Variants in RUNX1 observed in about 807,000 individuals in gnomAD.
RUNX1 encodes the protein runt-related transcription factor 1.
RUNX1 carries 19 observed loss-of-function variants against 42.8 expected under a neutral mutation model. That is an observed-to-expected ratio of 0.44 (90% CI 0.31 to 0.65). The LOEUF (loss-of-function observed/expected upper bound fraction) is 0.65. Among genes scored for constraint, RUNX1 ranks in the 30% least tolerant of loss-of-function variants. RUNX1 has a pLI of 0.07. For missense variants in RUNX1, 528 were observed against 672.0 expected (o/e 0.79, Z 2.37); for synonymous variants, 271 against 289.4 (o/e 0.94, Z 0.64).
In RUNX1 at chr21:34,791,727, GAAT is replaced by G; in HGVS notation, c.*405_*407del. The G allele has an allele frequency of 4.3e-6, 1 of 230,034 alleles. No homozygotes were observed. Among genetic ancestry groups the G allele is most frequent in the Non-Finnish European group, 8.6e-6 (1 of 115,720 alleles). The allele number at this position is 230,034 out of a possible 1,614,324, so 14.2% of individuals were successfully genotyped here. A position where few individuals can be genotyped will look rare whatever the true frequency, so the allele number is the denominator to read the frequency against. On this transcript the variant is annotated 3_prime_UTR_variant, in exon 9 of 9. Coordinates refer to ENST00000675419, the MANE Select transcript of RUNX1 (RefSeq NM_001754.5). ...CCCAACCAAAATTCCACACTCTTTGGAATAAACAACTTGGTTAAAAAGTTAAGT... is the reference window on the plus strand; with the variant it reads ...CCCAACCAAAATTCCACACTCTTTGGAAACAACTTGGTTAAAAAGTTAAGT...
rs190387222 is a variant in RUNX1, at chr21:34,904,182, C to G, written c.59-11219G>C. 3.4e-4 allele frequency among the ~76,000 whole-genome samples: 51 copies of G among 152,196 alleles called. No individual in the cohort carries two copies. The East Asian group carries it at 9.7e-3, about 29-fold the overall frequency. On this transcript the variant is annotated intron_variant, in intron 2 of 8. Transcript: ENST00000675419. The stretch of plus-strand genomic sequence containing the variant: ...TGTTTTGGACTTGCTTAGAAAAATA[C>G]TACCATTTAAAACTATATTCTAAAA...
At chr21:34,914,851 T>C (rs903222269) in intron 2 of RUNX1, among the ~76,000 whole-genome samples, 2 of 152,220 alleles carry the variant, frequency 1.3e-5, no homozygotes, top group Non-Finnish European at 2.9e-5. Flanking sequence ...GTGTCCTAAT[T>C]GATTTGGAAC....
intron 5 of RUNX1, among the ~76,000 whole-genome samples, chr21:34,878,193 A>T (rs921008044): frequency 4.6e-5 from 7 of 150,960 alleles, no homozygotes; most frequent in African/African-American, 1.7e-4. Flanking sequence ...AAGAAGAAGA[A>T]GGAAAAAGAA....
intron 4 of RUNX1, among the ~76,000 whole-genome samples, chr21:34,881,659 A>T (rs1320442331): frequency 6.6e-6 from 1 of 152,196 alleles, no homozygotes; most frequent in Non-Finnish European, 1.5e-5. Flanking sequence ...ATTTAATGTA[A>T]CTGAGTAAGT....
At chr21:34,824,067 G>T (rs1297606833) in intron 7 of RUNX1, among the ~76,000 whole-genome samples, 2 of 152,338 alleles carry the variant, frequency 1.3e-5, no homozygotes, top group East Asian at 3.9e-4. Flanking sequence ...TCTGGAGGCA[G>T]TGGCTGTCTT....
At chr21:34,922,346 A>T (rs141926031) in intron 2 of RUNX1, among the ~76,000 whole-genome samples, 1 of 152,202 alleles carries the variant, frequency 6.6e-6, no homozygotes, top group African/African-American at 2.4e-5. Flanking sequence ...TAGGAACTTG[A>T]TCTCTCTTAT....
intron 2 of RUNX1, among the ~76,000 whole-genome samples, chr21:34,976,854 GA>G (rs1400954216): frequency 6.6e-6 from 1 of 150,560 alleles, no homozygotes; most frequent in East Asian, 2.0e-4. Context: ...GATATCGGTA[GA>G]AAAGTTAAAA....
At chr21:34,976,247 T>C (rs556779925) in intron 2 of RUNX1, among the ~76,000 whole-genome samples, 14 of 152,320 alleles carry the variant, frequency 9.2e-5, no homozygotes, top group Non-Finnish European at 1.6e-4. Flanking sequence ...GAAGTTAGTA[T>C]TTATTAGCAC....
chr21:34,904,053 C>T (rs1027297176), intron 2 of RUNX1, among the ~76,000 whole-genome samples: 4 of 152,082 alleles, frequency 2.6e-5, no homozygotes, highest in Admixed American at 6.5e-5. Flanking sequence ...ATGGGTAATA[C>T]ATTGAAATGG....
intron 2 of RUNX1, among the ~76,000 whole-genome samples, chr21:35,003,878 A>T (rs981125753): frequency 2.6e-5 from 4 of 152,230 alleles, no homozygotes; most frequent in African/African-American, 9.6e-5. Context: ...AGAAAAAAAT[A>T]AAAAAGAAAA....
chr21:34,980,887 T>G (rs1396391710), intron 2 of RUNX1, among the ~76,000 whole-genome samples: 1 of 152,248 alleles, frequency 6.6e-6, no homozygotes, highest in Non-Finnish European at 1.5e-5. Context: ...GCAATTTGCT[T>G]TATTTCAGCT....
chr21:34,997,505 ACT>A (rs2059005358), intron 2 of RUNX1, among the ~76,000 whole-genome samples: 1 of 152,062 alleles, frequency 6.6e-6, no homozygotes, highest in South Asian at 2.1e-4. Flanking sequence ...GAAAGGGGAA[ACT>A]CTTCCTTTGC....
At chr21:35,037,904 G>A (rs2059320976) in intron 2 of RUNX1, among the ~76,000 whole-genome samples, 1 of 148,416 alleles carries the variant, frequency 6.7e-6, no homozygotes, top group South Asian at 2.2e-4. Flanking sequence ...ACTGCTACAT[G>A]ATGAGAGAGG....
At chr21:34,938,358 G>T (rs1340457379) in intron 2 of RUNX1, among the ~76,000 whole-genome samples, 1 of 152,030 alleles carries the variant, frequency 6.6e-6, no homozygotes, top group Non-Finnish European at 1.5e-5. Flanking sequence ...GGATAAATTA[G>T]GTTCCTATTA....
At chr21:34,982,467 A>G (rs915561532) in intron 2 of RUNX1, among the ~76,000 whole-genome samples, 1 of 151,662 alleles carries the variant, frequency 6.6e-6, no homozygotes, top group Admixed American at 6.6e-5. Context: ...TTGGATTGGG[A>G]AAGTTACCAT....
At chr21:34,797,493 T>C (rs1161588177) in intron 8 of RUNX1, among the ~76,000 whole-genome samples, 1 of 152,252 alleles carries the variant, frequency 6.6e-6, no homozygotes, top group Non-Finnish European at 1.5e-5. Flanking sequence ...AAAAGACTTA[T>C]GTAATAAATT....
chr21:34,935,164 G>A (rs62216438), intron 2 of RUNX1, among the ~76,000 whole-genome samples: 382 of 152,194 alleles, frequency 2.5e-3, no homozygotes, highest in African/African-American at 8.7e-3. Flanking sequence ...TCACTCATGC[G>A]TTAGCTGATT....
chr21:35,008,787 A>AT (rs1295795840), intron 2 of RUNX1, among the ~76,000 whole-genome samples: 1 of 152,216 alleles, frequency 6.6e-6, no homozygotes, highest in Non-Finnish European at 1.5e-5. Flanking sequence ...AACCATACTG[A>AT]TTATGGAATG....
chr21:34,929,769 C>T (rs9979335), intron 2 of RUNX1, among the ~76,000 whole-genome samples: 9,892 of 152,178 alleles, frequency 0.065, 417 homozygotes, highest in African/African-American at 0.1. Context: ...ATTCTTTACC[C>T]AAGTCACTTC....
Sources: allele counts gnomAD v4.1 joint callset (sites outside exome capture counted in the v4.1 genomes callset), GRCh38; gene constraint gnomAD v4.1.1; transcripts MANE v1.5; gene names NCBI Gene and HGNC (gene_info 2026-07-23, HGNC 2026-07-21).